The following FAM135A variants were observed in gnomAD, a reference collection of about 807,000 sequenced individuals.
FAM135A encodes the protein protein FAM135A.
A neutral mutation model predicts 146.8 loss-of-function variants in FAM135A; 79 were observed. That is an observed-to-expected ratio of 0.54 (90% CI 0.45 to 0.65). The LOEUF is 0.65. FAM135A is among the 30% of genes least tolerant of loss of function. The probability of loss-of-function intolerance (pLI) is 0.00; values close to 1 mark genes in which losing one functional copy is unlikely to be tolerated. For synonymous variants in FAM135A, 562 were observed against 603.6 expected, an observed-to-expected ratio of 0.93 and a Z score of 1.01; for missense variants, 1,623 against 1,758.2, an observed-to-expected ratio of 0.92 and a Z score of 1.38.
chr6:70,450,692 T>C (rs1424684338), intron 4 of FAM135A, among the ~76,000 whole-genome samples: 2 of 138,736 alleles, frequency 1.4e-5, no homozygotes, highest in African/African-American at 5.2e-5. Context: ...TATTTTGAAC[T>C]CAGGGAGTGT....
intron 5 of FAM135A, among the ~76,000 whole-genome samples, chr6:70,456,621 A>G (rs1410032513): frequency 6.6e-6 from 1 of 152,230 alleles, no homozygotes. Context: ...TGTAAAGGAT[A>G]TAATTAAGTG....
chr6:70,429,426 T>C (rs1770959976), intron 4 of FAM135A, among the ~76,000 whole-genome samples: 1 of 151,840 alleles, frequency 6.6e-6, no homozygotes, highest in South Asian at 2.1e-4. Context: ...GGCAGGAGAA[T>C]CGCTTGAATC....
At chr6:70,466,684 C>CT (rs1780533743) in intron 5 of FAM135A, among the ~76,000 whole-genome samples, 1 of 152,206 alleles carries the variant, frequency 6.6e-6, no homozygotes, top group African/African-American at 2.4e-5. Context: ...TGCATCTGAA[C>CT]TTAACATTGC....
chr6:70,526,648 C>T lies in FAM135A; in HGVS notation c.3564C>T (p.Phe1188=), dbSNP rs1358533837. Residue 1188 remains phenylalanine (F), a synonymous_variant, in exon 15 of 22, where the codon TTC becomes TTT. Transcript: ENST00000418814. The part of the protein sequence containing the change: ...TKQPSSTSYN[F]TSSISWYESS... ...AGCCAAGCAGTACTTCTTACAACTT[C>T]ACTTCTTCGATTTCCTGGTATGAAA... is the stretch of plus-strand genomic sequence containing the variant. 1.2e-6 allele frequency: 2 copies of T among 1,609,964 alleles called. No homozygotes were observed. Among genetic ancestry groups the T allele is most frequent in the East Asian group, 4.5e-5 (2 of 44,854 alleles).
chr6:70,479,609 G>T (rs1582425705), intron 8 of FAM135A, among the ~76,000 whole-genome samples: 1 of 152,104 alleles, frequency 6.6e-6, no homozygotes, highest in Admixed American at 6.6e-5. Context: ...TGCTGGTGGT[G>T]TGTTGATAAA....
chr6:70,453,537 T>G (rs577393463), intron 5 of FAM135A, among the ~76,000 whole-genome samples: 1 of 152,272 alleles, frequency 6.6e-6, no homozygotes, highest in South Asian at 2.1e-4. Context: ...TTACATTAGG[T>G]GTTTCTCCTA....
intron 10 of FAM135A, among the ~76,000 whole-genome samples, chr6:70,484,552 G>A (rs562760075): frequency 9.2e-5 from 14 of 152,268 alleles, no homozygotes; most frequent in Admixed American, 4.6e-4. Flanking sequence ...ATTTTTCCAC[G>A]GATTGGGGGA....
intron 8 of FAM135A, 24 bp downstream of exon 8, chr6:70,477,356 A>G (rs1782827510): frequency 3.1e-6 from 5 of 1,609,094 alleles, no homozygotes; most frequent in African/African-American, 1.3e-5. Flanking sequence ...ATATTTTTGT[A>G]TTAAGCCATT....
At chr6:70,477,855 A>G (rs1051485665) in intron 8 of FAM135A, among the ~76,000 whole-genome samples, 6 of 152,208 alleles carry the variant, frequency 3.9e-5, no homozygotes, top group African/African-American at 1.4e-4. Context: ...GAGTATGGGA[A>G]ACATTGGCTT....
intron 20 of FAM135A, among the ~76,000 whole-genome samples, chr6:70,539,497 T>TA (rs1169421761): frequency 6.6e-6 from 1 of 152,188 alleles, no homozygotes; most frequent in East Asian, 1.9e-4. Flanking sequence ...GTCTTGCTAA[T>TA]ACCTGCTATA....
intron 4 of FAM135A, among the ~76,000 whole-genome samples, chr6:70,434,888 CTTTA>C (rs1292834433): frequency 2.6e-5 from 4 of 151,800 alleles, no homozygotes; most frequent in Non-Finnish European, 5.9e-5. Context: ...GTACTTTGTT[CTTTA>C]TTTATCTGGA....
chr6:70,546,998 C>G (rs1334801560), intron 20 of FAM135A, among the ~76,000 whole-genome samples: 1 of 152,164 alleles, frequency 6.6e-6, no homozygotes, highest in African/African-American at 2.4e-5. Context: ...ATCATGGCCA[C>G]TCTGACATTC....
rs995049877 is a variant in FAM135A, at chr6:70,413,529, G to C, written c.-393G>C. The C allele has an allele frequency of 6.5e-6, 1 of 153,502 alleles. No individual in the cohort carries two copies. Among genetic ancestry groups the C allele is most frequent in the South Asian group, 2.1e-4 (1 of 4,846 alleles). The allele number at this position is 153,502 out of a possible 1,614,324, so 9.5% of individuals were successfully genotyped here. On this transcript the variant is annotated 5_prime_UTR_variant, in exon 1 of 22. Transcript: ENST00000418814. The stretch of plus-strand genomic sequence containing the variant: ...GCTCGCTGGCCGCGCTGGGCCAGTA[G>C]CCGAGCCGCGGTGACGAACCGGCTC...
chr6:70,454,283 G>A (rs1048148628), intron 5 of FAM135A, among the ~76,000 whole-genome samples: 2 of 152,130 alleles, frequency 1.3e-5, no homozygotes, highest in South Asian at 2.1e-4. Context: ...ATTTGTTTAA[G>A]TTCTTTGTAG....
intron 5 of FAM135A, among the ~76,000 whole-genome samples, chr6:70,467,245 A>G (rs1731554587): frequency 6.6e-6 from 1 of 151,804 alleles, no homozygotes. Context: ...TTACTCCATT[A>G]TCTTTTGGTT....
intron 5 of FAM135A, among the ~76,000 whole-genome samples, chr6:70,459,243 C>T (rs535339347): frequency 9.7e-4 from 148 of 152,180 alleles, no homozygotes; most frequent in Non-Finnish European, 1.9e-3. Flanking sequence ...TACCATAATT[C>T]GTATACCTTC....
intron 5 of FAM135A, among the ~76,000 whole-genome samples, chr6:70,463,166 C>T (rs1779736501): frequency 6.6e-6 from 1 of 152,194 alleles, no homozygotes; most frequent in Non-Finnish European, 1.5e-5. Flanking sequence ...TGCATGCTCT[C>T]CTCTCTTCTC....
intron 5 of FAM135A, among the ~76,000 whole-genome samples, chr6:70,465,669 A>T (rs1478794725): frequency 2.0e-5 from 3 of 152,094 alleles, no homozygotes. Context: ...CGTGAGCCAC[A>T]CACTGTGTGT....
rs961849657 is a variant in FAM135A at position 70,422,832 on chromosome 6, A to G, written c.-133-3607A>G. On this transcript the variant is annotated intron_variant, in intron 2 of 21. Transcript: ENST00000418814. ...GTACTATGTGCCAGACAATAGGAAT[A>G]TAGCAGTGAACAAAGTAGTCAGAAT... 3.9e-5 allele frequency among the ~76,000 whole-genome samples: 6 copies of G among 152,244 alleles called. No homozygotes were observed. The South Asian group carries it at 1.2e-3, about 32-fold the overall frequency.
Sources: allele counts gnomAD v4.1 joint callset (sites outside exome capture counted in the v4.1 genomes callset), GRCh38; gene constraint gnomAD v4.1.1; transcripts MANE v1.5; gene names NCBI Gene and HGNC (gene_info 2026-07-23, HGNC 2026-07-21).